PPA2: variants seen among roughly 807,000 people sequenced by gnomAD.
PPA2 encodes inorganic pyrophosphatase 2, mitochondrial.
PPA2 carries 48 observed loss-of-function variants against 49.5 expected under a neutral mutation model. That is an observed-to-expected ratio of 0.97 (90% CI 0.77 to 1.23). PPA2 has a LOEUF of 1.23. Among genes scored for constraint, PPA2 ranks in the 50% most tolerant of loss-of-function variants. The probability of loss-of-function intolerance (pLI) is 0.00; values close to 1 mark genes in which losing one functional copy is unlikely to be tolerated. For missense variants in PPA2, 429 were observed against 410.1 expected (o/e 1.05, Z -0.40); for synonymous variants, 131 against 139.9 (o/e 0.94, Z 0.45).
intron 2 of PPA2, among the ~76,000 whole-genome samples, chr4:105,454,693 C>T (rs536000243): frequency 3.2e-4 from 48 of 152,280 alleles, no homozygotes; most frequent in Middle Eastern, 6.8e-3. Context: ...TTAATCATTA[C>T]TGGCTGAGAT....
At chr4:105,388,202 T>TA (rs1426595158) in intron 9 of PPA2, among the ~76,000 whole-genome samples, 2 of 152,128 alleles carry the variant, frequency 1.3e-5, no homozygotes, top group East Asian at 3.9e-4. Flanking sequence ...CACACACACT[T>TA]ACATGGAATA....
intron 10 of PPA2, among the ~76,000 whole-genome samples, chr4:105,372,926 C>G (rs1191682894): frequency 6.6e-6 from 1 of 152,134 alleles, no homozygotes; most frequent in Non-Finnish European, 1.5e-5. Flanking sequence ...AAAAGCTGAA[C>G]AAACAGACTT....
In PPA2 at chr4:105,473,579, G is replaced by C. The variant is rs547056597; in HGVS notation, c.157+315C>G. On this transcript the variant is annotated intron_variant, in intron 1 of 11. Transcript: ENST00000341695. The stretch of plus-strand genomic sequence containing the variant: ...GGCTAATGGCTGCAGGCCGCCGCGG[G>C]GTGGCCGCTTGCACTCTGCCTACCC... 7.0e-5 allele frequency: 40 copies of C among 575,430 alleles called. 1 individual carries two copies. The highest frequency in any genetic ancestry group is 6.0e-4 in the South Asian group (40 of 66,370). 35.6% of individuals were successfully genotyped at this position (575,430 alleles called of 1,614,324 possible).
chr4:105,425,941 A>C (rs1322012638), intron 6 of PPA2, among the ~76,000 whole-genome samples: 1 of 152,206 alleles, frequency 6.6e-6, no homozygotes, highest in African/African-American at 2.4e-5. Context: ...AATGTAAGCC[A>C]AAAGACAAAG....
chr4:105,437,306 A>G (rs917431693), intron 6 of PPA2, among the ~76,000 whole-genome samples: 1 of 152,192 alleles, frequency 6.6e-6, no homozygotes, highest in African/African-American at 2.4e-5. Flanking sequence ...GAGTGAGAAA[A>G]AAGGGAGAAG....
chr4:105,457,126 C>T lies in PPA2; in HGVS notation c.158-381G>A, dbSNP rs536844050. On this transcript the variant is annotated intron_variant, in intron 1 of 11. Coordinates refer to ENST00000341695, the MANE Select transcript of PPA2 (RefSeq NM_176869.3). ...CTGATGTCAATTTCCCTTGGGGAAA[C>T]TTAACAATAGTATTCCCAATTTCTA... Among the ~76,000 whole-genome samples the T allele has an allele frequency of 2.6e-4, 39 of 152,044 alleles. No homozygotes were observed. In the South Asian group the frequency reaches 7.7e-3, roughly 30 times the overall value.
intron 9 of PPA2, among the ~76,000 whole-genome samples, chr4:105,387,866 C>G (rs1372485456): frequency 1.3e-5 from 2 of 152,032 alleles, no homozygotes; most frequent in Admixed American, 6.6e-5. Context: ...TTAGATGTTT[C>G]CTTGATGACT....
chr4:105,462,887 A>T (rs1049578007), intron 1 of PPA2, among the ~76,000 whole-genome samples: 5 of 152,236 alleles, frequency 3.3e-5, no homozygotes, highest in African/African-American at 1.2e-4. Flanking sequence ...CTGCCATGAT[A>T]GTGAGGCCTC....
intron 2 of PPA2, 93 bp from the exon 3 acceptor site, chr4:105,453,735 T>TG: frequency 3.1e-6 from 3 of 956,068 alleles, no homozygotes; most frequent in Non-Finnish European, 4.7e-6. Context: ...TGTATAGACA[T>TG]TCTACACAAA....
At chr4:105,453,740 C>T in intron 2 of PPA2, 98 bp from the exon 3 acceptor site, 15 of 859,510 alleles carry the variant, frequency 1.7e-5, no homozygotes, top group South Asian at 1.6e-4. Flanking sequence ...AGACATTCTA[C>T]ACAAAGACTG....
chr4:105,372,611 G>A (rs1333512039), intron 10 of PPA2, among the ~76,000 whole-genome samples: 1 of 152,150 alleles, frequency 6.6e-6, no homozygotes, highest in Non-Finnish European at 1.5e-5. Flanking sequence ...TCTGTCCCAA[G>A]CAAAAGGGAA....
intron 1 of PPA2, among the ~76,000 whole-genome samples, chr4:105,470,720 C>A (rs1033724557): frequency 6.6e-6 from 1 of 152,146 alleles, no homozygotes; most frequent in Non-Finnish European, 1.5e-5. Context: ...GATAATTACA[C>A]ACATAGTCTC....
chr4:105,445,459 G>A (rs1376189927), intron 5 of PPA2, among the ~76,000 whole-genome samples: 2 of 151,388 alleles, frequency 1.3e-5, no homozygotes, highest in African/African-American at 4.8e-5. Context: ...AACTGAATCA[G>A]AGACAGCCTG....
chr4:105,375,013 T>C (rs896642571), intron 10 of PPA2, among the ~76,000 whole-genome samples: 16 of 152,072 alleles, frequency 1.1e-4, no homozygotes, highest in African/African-American at 3.9e-4. Flanking sequence ...TTCTGCATTG[T>C]ATTTCCACAC....
intron 7 of PPA2, among the ~76,000 whole-genome samples, chr4:105,416,731 T>A (rs1723028896): frequency 6.6e-6 from 1 of 152,216 alleles, no homozygotes; most frequent in Non-Finnish European, 1.5e-5. Flanking sequence ...AAGATTTTCA[T>A]GTTTCCAAAC....
At position 105,424,330 on chromosome 4, in the gene PPA2, G is replaced by GA; in HGVS notation, c.529-9dup. On this transcript the variant is annotated splice_polypyrimidine_tract_variant and intron_variant, in intron 6 of 11. Coordinates refer to ENST00000341695, the MANE Select transcript of PPA2 (RefSeq NM_176869.3). ...TTCTCCACAAGAAAGAATCTTTAAA[G>GA]AAAAAAGAAATTCACTATTTGCAAG... 1 of 1,577,252 alleles carries GA rather than the reference G, an allele frequency of 6.3e-7. No homozygotes were observed. Among genetic ancestry groups the GA allele is most frequent in the South Asian group, 1.2e-5 (1 of 84,910 alleles).
Position 105,449,379 on chromosome 4 carries a change from T to C in PPA2, c.292A>G (p.Ile98Val). 6 of 1,578,626 alleles carry C rather than the reference T, an allele frequency of 3.8e-6. No individual in the cohort carries two copies. The highest frequency in any genetic ancestry group is 5.2e-6 in the Non-Finnish European group (6 of 1,154,384). The change falls in exon 4 of 12, where the codon ATA (isoleucine) becomes GTA (valine). Residue 98 changes from isoleucine (I) to valine (V), a missense_variant. Physicochemically the swap from Ile to Val is conservative, Grantham distance 29 (BLOSUM62 3). Coordinates refer to ENST00000341695, the MANE Select transcript of PPA2 (RefSeq NM_176869.3). ...YENLFNMIVE[I>V]PRWTNAKMEI... Reference sequence around the variant, plus strand: ...ATTTTAGCATTTGTCCACCGAGGTATTTCTACAATCATATTAAACAGATTC... The same window carrying C: ...ATTTTAGCATTTGTCCACCGAGGTACTTCTACAATCATATTAAACAGATTC...
chr4:105,447,817 T>C lies in PPA2; in HGVS notation c.322-1315A>G, dbSNP rs547586259. On this transcript the variant is annotated intron_variant, in intron 4 of 11. Transcript: ENST00000341695. ...GGTGTGATCTCAGCTCACTGCAACC[T>C]CTGCCTCCTGGAAGCAAGCAAATCT... is the stretch of plus-strand genomic sequence containing the variant. Among the ~76,000 whole-genome samples, 3 of 151,504 alleles carry C rather than the reference T, an allele frequency of 2.0e-5. No individual in the cohort carries two copies. The East Asian group carries it at 5.8e-4, about 29-fold the overall frequency.
intron 7 of PPA2, among the ~76,000 whole-genome samples, chr4:105,407,570 G>A (rs1722541002): frequency 6.6e-6 from 1 of 152,130 alleles, no homozygotes; most frequent in African/African-American, 2.4e-5. Context: ...CACATTAGCT[G>A]AAAACTGGAA....
Sources: allele counts gnomAD v4.1 joint callset (sites outside exome capture counted in the v4.1 genomes callset), GRCh38; gene constraint gnomAD v4.1.1; transcripts MANE v1.5; gene names NCBI Gene and HGNC (gene_info 2026-07-23, HGNC 2026-07-21).